LSMEM1: variants seen among roughly 807,000 people sequenced by gnomAD.
LSMEM1 encodes leucine-rich single-pass membrane protein 1.
Under a neutral mutation model 11.3 loss-of-function variants are expected in LSMEM1, and 10 were observed. The observed-to-expected ratio is 0.89, with a 90% confidence interval of 0.55 to 1.50. The LOEUF (loss-of-function observed/expected upper bound fraction) is 1.50, where lower values mean the gene tolerates loss of function less well. Among genes scored for constraint, LSMEM1 ranks in the 40% most tolerant of loss-of-function variants. The pLI, the probability that LSMEM1 is intolerant of heterozygous loss-of-function variation, is 0.00. For synonymous variants in LSMEM1, 65 were observed against 59.3 expected (o/e 1.10, Z -0.44); for missense variants, 151 against 152.9 (o/e 0.99, Z 0.06).
chr7:112,486,753 T>G (rs981652274), intron 2 of LSMEM1, 170 bp from the exon 3 acceptor site: 9 of 849,466 alleles, frequency 1.1e-5, no homozygotes, highest in African/African-American at 1.0e-4. Flanking sequence ...TCCAGCCTGG[T>G]TGACAGAGCA....
rs1257079561 is a variant in LSMEM1 at position 112,490,877 on chromosome 7, GT to G, written c.*931del. The G allele has an allele frequency of 2.6e-5, 4 of 152,180 alleles. No individual in the cohort carries two copies. Among genetic ancestry groups the G allele is most frequent in the Admixed American group, 2.6e-4 (4 of 15,278 alleles). The allele number at this position is 152,180 out of a possible 1,614,324, so 9.4% of individuals were successfully genotyped here. On this transcript the variant is annotated 3_prime_UTR_variant, in exon 4 of 4. Coordinates refer to ENST00000312849, the MANE Select transcript of LSMEM1 (RefSeq NM_182597.3). ...ATAAGACACAGTGTGAAATAAATGA[GT>G]TTAAAAAGCATATGAGTCTTAGAAA... is the stretch of plus-strand genomic sequence containing the variant.
chr7:112,482,218 A>C (rs1188314884), intron 1 of LSMEM1, among the ~76,000 whole-genome samples: 1 of 152,170 alleles, frequency 6.6e-6, no homozygotes, highest in Non-Finnish European at 1.5e-5. Flanking sequence ...TTGTGACTTC[A>C]CTCTAAAGAA....
Position 112,484,882 on chromosome 7 carries a change from G to A in LSMEM1, c.66G>A (p.Val22=), listed in dbSNP as rs768368529. The change falls in exon 2 of 4, where the codon GTG becomes GTA. Residue 22 remains valine (V), a synonymous_variant. Coordinates refer to ENST00000312849, the MANE Select transcript of LSMEM1 (RefSeq NM_182597.3). ...GIQEDGKLYV[V]DSINDLNKLN... ...AGGAAGATGGAAAGCTTTATGTGGT[G>A]GATTCCATAAATGACTTAAACAAAC... 2.2e-5 allele frequency: 35 copies of A among 1,613,654 alleles called. No individual in the cohort carries two copies. The highest frequency in any genetic ancestry group is 3.0e-5 in the Non-Finnish European group (35 of 1,179,772).
At position 112,481,117 on chromosome 7, in the gene LSMEM1, G is replaced by T. The variant is rs1439565639; in HGVS notation, c.-235G>T. The T allele has an allele frequency of 9.2e-6, 3 of 326,624 alleles. No homozygotes were observed. The highest frequency in any genetic ancestry group is 1.8e-5 in the Non-Finnish European group (3 of 167,466). 20.2% of individuals were successfully genotyped at this position (326,624 alleles called of 1,614,324 possible). On this transcript the variant is annotated 5_prime_UTR_variant, in exon 1 of 4. Transcript: ENST00000312849. ...CCTTAGACATTATGAAAAAAGTCAGGATTTGGAATCTTACACTGCTTGGCT... is the reference window on the plus strand; with the variant it reads ...CCTTAGACATTATGAAAAAAGTCAGTATTTGGAATCTTACACTGCTTGGCT...
Position 112,490,057 on chromosome 7 carries a change from C to A in LSMEM1, c.*108C>A. On this transcript the variant is annotated 3_prime_UTR_variant, in exon 4 of 4. Transcript: ENST00000312849. ...TGCACTTCCTCAGGCAACAGATGATCTGGTCAGGCAACCCACCCCTGGGGC... is the reference window on the plus strand; with the variant it reads ...TGCACTTCCTCAGGCAACAGATGATATGGTCAGGCAACCCACCCCTGGGGC... 7.5e-7 allele frequency: 1 copy of A among 1,334,936 alleles called. No individual in the cohort carries two copies. The highest frequency in any genetic ancestry group is 1.0e-6 in the Non-Finnish European group (1 of 987,116). The allele number at this position is 1,334,936 out of a possible 1,614,324, so 82.7% of individuals were successfully genotyped here. A position where few individuals can be genotyped will look rare whatever the true frequency, so the allele number is the denominator to read the frequency against.
In LSMEM1 at chr7:112,484,883, G is replaced by T. The variant is rs1303887350; in HGVS notation, c.67G>T (p.Asp23Tyr). Residue 23 changes from aspartate (D) to tyrosine (Y), a missense_variant, in exon 2 of 4, where the codon GAT becomes TAT. Asp to Tyr is a radical substitution (Grantham distance 160). Coordinates refer to ENST00000312849, the MANE Select transcript of LSMEM1 (RefSeq NM_182597.3). ...GGAAGATGGAAAGCTTTATGTGGTG[G>T]ATTCCATAAATGACTTAAACAAACT... is the stretch of plus-strand genomic sequence containing the variant. ...IQEDGKLYVV[D>Y]SINDLNKLNL... 3 of 1,613,804 alleles carry T rather than the reference G, an allele frequency of 1.9e-6. No individual in the cohort carries two copies. The highest frequency in any genetic ancestry group is 2.2e-5 in the East Asian group (1 of 44,858).
rs2117356575 is a variant in LSMEM1, at chr7:112,480,991, A to C, written c.-361A>C. 2.4e-6 allele frequency: 1 copy of C among 415,554 alleles called. No individual in the cohort carries two copies. The highest frequency in any genetic ancestry group is 4.8e-6 in the Non-Finnish European group (1 of 209,428). The allele number at this position is 415,554 out of a possible 1,614,324, so 25.7% of individuals were successfully genotyped here. A position where few individuals can be genotyped will look rare whatever the true frequency, so the allele number is the denominator to read the frequency against. Reference sequence around the variant, plus strand: ...TCAGCCAGATAAGGACGGTAACTTCAGTCCAATAAAAACCTCATCAGTTAC... The same window carrying C: ...TCAGCCAGATAAGGACGGTAACTTCCGTCCAATAAAAACCTCATCAGTTAC... On this transcript the variant is annotated 5_prime_UTR_variant, in exon 1 of 4. Transcript: ENST00000312849.
upstream of LSMEM1, among the ~76,000 whole-genome samples, chr7:112,480,429 A>G (rs979019251): frequency 1.3e-5 from 2 of 152,222 alleles, no homozygotes; most frequent in African/African-American, 2.4e-5. Context: ...TCAAAGATGA[A>G]TAATGTCCAT....
At chr7:112,487,573 G>A (rs570168170) in intron 3 of LSMEM1, among the ~76,000 whole-genome samples, 1 of 152,346 alleles carries the variant, frequency 6.6e-6, no homozygotes, top group Non-Finnish European at 1.5e-5. Flanking sequence ...TCCTGTCCAG[G>A]CAACCTACTC....
chr7:112,489,684 A>C (rs1338114544), intron 3 of LSMEM1, 126 bp from the exon 4 acceptor site: 2 of 1,063,776 alleles, frequency 1.9e-6, no homozygotes, highest in Non-Finnish European at 2.7e-6. Context: ...GCATGCATGG[A>C]TATGGGAACA....
chr7:112,485,032 G>GGC (rs1007411644), intron 2 of LSMEM1, 89 bp downstream of exon 2: 23 of 1,376,096 alleles, frequency 1.7e-5, no homozygotes, highest in Non-Finnish European at 2.1e-5. Flanking sequence ...TGGGTGTGGT[G>GGC]GAGGGGGAGG....
At chr7:112,485,184 C>T (rs1049060680) in intron 2 of LSMEM1, among the ~76,000 whole-genome samples, 28 of 152,282 alleles carry the variant, frequency 1.8e-4, no homozygotes, top group Admixed American at 1.7e-3. Context: ...ATTCTGAGAT[C>T]CTGTGGCGTT....
chr7:112,484,685 C>A, intron 1 of LSMEM1, 127 bp from the exon 2 acceptor site: 1 of 922,258 alleles, frequency 1.1e-6, no homozygotes, highest in Non-Finnish European at 1.6e-6. Flanking sequence ...TCTCTAGAGC[C>A]TTAGTTGAAA....
chr7:112,487,501 G>A (rs750675516), intron 3 of LSMEM1, among the ~76,000 whole-genome samples: 14 of 152,230 alleles, frequency 9.2e-5, no homozygotes, highest in Admixed American at 1.3e-4. Context: ...GCACTTGAGG[G>A]CTTGTGCAAG....
Position 112,490,055 on chromosome 7 carries a change from A to T in LSMEM1, c.*106A>T, listed in dbSNP as rs771140116. The T allele has an allele frequency of 3.0e-5, 41 of 1,359,696 alleles. No individual in the cohort carries two copies. Among genetic ancestry groups the T allele is most frequent in the Non-Finnish European group, 4.1e-5 (41 of 1,009,246 alleles). 84.2% of individuals were successfully genotyped at this position (1,359,696 alleles called of 1,614,324 possible). On this transcript the variant is annotated 3_prime_UTR_variant, in exon 4 of 4. Coordinates refer to ENST00000312849, the MANE Select transcript of LSMEM1 (RefSeq NM_182597.3). ...AGTGCACTTCCTCAGGCAACAGATG[A>T]TCTGGTCAGGCAACCCACCCCTGGG...
At chr7:112,486,856 T>G (rs1447223659) in intron 2 of LSMEM1, 67 bp from the exon 3 acceptor site, 1 of 1,603,140 alleles carries the variant, frequency 6.2e-7, no homozygotes, top group African/African-American at 1.3e-5. Flanking sequence ...TGGGGTACTG[T>G]TCAGTTCTGC....
chr7:112,485,960 G>T (rs1053834122), intron 2 of LSMEM1, among the ~76,000 whole-genome samples: 7 of 150,242 alleles, frequency 4.7e-5, no homozygotes, highest in Non-Finnish European at 1.0e-4. Flanking sequence ...CTTGCAAAAC[G>T]GTGATTAAAT....
intron 2 of LSMEM1, chr7:112,486,693 G>C: frequency 2.5e-6 from 1 of 405,300 alleles, no homozygotes; most frequent in Non-Finnish European, 4.5e-6. Context: ...GGAGAATGGC[G>C]TGAACCCGGG....
intron 2 of LSMEM1, chr7:112,486,231 A>G (rs867770008): frequency 1.9e-5 from 5 of 259,958 alleles, no homozygotes; most frequent in Admixed American, 8.6e-5. Flanking sequence ...GTATCCCACA[A>G]CCAGCTCTGT....
Sources: allele counts gnomAD v4.1 joint callset (sites outside exome capture counted in the v4.1 genomes callset), GRCh38; gene constraint gnomAD v4.1.1; transcripts MANE v1.5; gene names NCBI Gene and HGNC (gene_info 2026-07-23, HGNC 2026-07-21).